MYH10: variants seen among roughly 807,000 people sequenced by gnomAD.
MYH10 encodes the protein myosin-10.
In MYH10, 55 loss-of-function variants were observed where a neutral mutation model predicts 257.8. The observed-to-expected ratio is 0.21, with a 90% CI of 0.17 to 0.27. The LOEUF is 0.27. Ranked by LOEUF, MYH10 falls within the 10% of genes least tolerant of loss-of-function variation. The pLI is 1.00. For missense variants in MYH10, 1,631 were observed against 2,500.6 expected (o/e 0.65, Z 7.42); for synonymous variants, 854 against 921.7 (o/e 0.93, Z 1.33).
intron 2 of MYH10, among the ~76,000 whole-genome samples, chr17:8,608,810 ATT>A (rs531809094): frequency 1.9e-4 from 27 of 140,710 alleles, no homozygotes; most frequent in Non-Finnish European, 2.2e-4. Context: ...TGATTGGGAA[ATT>A]TTTTTTTTTT....
intron 4 of MYH10, among the ~76,000 whole-genome samples, chr17:8,588,142 TGA>T (rs1460902250): frequency 6.6e-6 from 1 of 152,156 alleles, no homozygotes; most frequent in African/African-American, 2.4e-5. Context: ...GCCTGACCCT[TGA>T]GTGTAGGCTT....
chr17:8,614,305 TTC>T (rs2085161446), intron 2 of MYH10, among the ~76,000 whole-genome samples: 1 of 133,780 alleles, frequency 7.5e-6, no homozygotes, highest in Admixed American at 7.6e-5. Flanking sequence ...AGCAATTCAC[TTC>T]TTTTTTTTTT....
At chr17:8,593,727 G>C (rs1165004323) in intron 3 of MYH10, among the ~76,000 whole-genome samples, 1 of 152,110 alleles carries the variant, frequency 6.6e-6, no homozygotes, top group Non-Finnish European at 1.5e-5. Flanking sequence ...TGATGGATTG[G>C]AAGACTCAAT....
chr17:8,504,696 T>C lies in MYH10; in HGVS notation c.3597A>G (p.Leu1199=), dbSNP rs759691165. The C allele has an allele frequency of 8.1e-6, 13 of 1,613,782 alleles. No individual in the cohort carries two copies. The highest frequency in any genetic ancestry group is 1.1e-5 in the Non-Finnish European group (13 of 1,179,962). Residue 1199 remains leucine, a splice_region_variant and synonymous_variant, in exon 28 of 43, where the codon CTA becomes CTG. Coordinates refer to ENST00000360416, the MANE Select transcript of MYH10 (RefSeq NM_001256012.3). The surrounding 1 kb of genome is among the most constrained non-coding windows in gnomAD (Gnocchi z 5.6). ...CCTGCTTCCTCTCCCACACTCACCG[T>C]AGTTCCTGCTGGGCTGCCGTGGTGT... ...TLDTTAAQQE[L]RTKREQEVAE... is the part of the protein sequence containing the mutation.
chr17:8,529,317 G>A (rs2081949873), intron 17 of MYH10, among the ~76,000 whole-genome samples: 1 of 152,184 alleles, frequency 6.6e-6, no homozygotes, highest in Non-Finnish European at 1.5e-5. Context: ...GCAAAGCCAG[G>A]CACTGACCCT....
chr17:8,487,190 C>A (rs1025424939), intron 36 of MYH10, among the ~76,000 whole-genome samples: 1 of 152,212 alleles, frequency 6.6e-6, no homozygotes, highest in Admixed American at 6.5e-5. Flanking sequence ...TTAAGCATCG[C>A]CACAGGCTCT....
At chr17:8,516,645 C>A (rs561430140) in intron 21 of MYH10, among the ~76,000 whole-genome samples, 1 of 152,176 alleles carries the variant, frequency 6.6e-6, no homozygotes, top group East Asian at 1.9e-4. Flanking sequence ...CTATATACTT[C>A]GTTTCCTGCA....
At chr17:8,593,444 A>T (rs1186192250) in intron 3 of MYH10, among the ~76,000 whole-genome samples, 1 of 151,980 alleles carries the variant, frequency 6.6e-6, no homozygotes, top group African/African-American at 2.4e-5. Flanking sequence ...AAACAAACAA[A>T]CAAAAAAACC....
intron 7 of MYH10, among the ~76,000 whole-genome samples, chr17:8,568,799 A>G (rs753044538): frequency 2.0e-5 from 3 of 151,910 alleles, no homozygotes; most frequent in Non-Finnish European, 4.4e-5. Context: ...TGGGGTGGAA[A>G]GGGGCAGTGT....
chr17:8,616,646 T>G (rs2085272709), intron 2 of MYH10, among the ~76,000 whole-genome samples: 1 of 151,836 alleles, frequency 6.6e-6, no homozygotes, highest in African/African-American at 2.4e-5. Context: ...ACTAAATAAA[T>G]GAGTTTACCC....
At chr17:8,540,022 C>T (rs766240013) in intron 14 of MYH10, among the ~76,000 whole-genome samples, 6 of 152,206 alleles carry the variant, frequency 3.9e-5, no homozygotes, top group Non-Finnish European at 5.9e-5. Flanking sequence ...CAGGGTCTCA[C>T]GCTGTCGCCT....
chr17:8,500,895 GA>G lies in MYH10; in HGVS notation c.3674del (p.Ile1225ThrfsTer4). The G allele has an allele frequency of 6.2e-7, 1 of 1,614,110 alleles. No individual in the cohort carries two copies. Among genetic ancestry groups the G allele is most frequent in the Non-Finnish European group, 8.5e-7 (1 of 1,180,036 alleles). On this transcript the variant is annotated frameshift_variant, in exon 29 of 43. Transcript: ENST00000360416. LOFTEE classifies it high-confidence loss of function. ...TTGCGTGTCTTTGTCTCATGTCCTG[GA>G]TTTGAGCTTCATGGTTCTTAGTTTC... ...EEETKNHEAQ[I>X]QDMRQRHATA...
intron 37 of MYH10, among the ~76,000 whole-genome samples, chr17:8,483,110 A>C (rs898354322): frequency 6.6e-6 from 1 of 152,256 alleles, no homozygotes; most frequent in Non-Finnish European, 1.5e-5. Context: ...GCAAGCTTAA[A>C]TTATTCACAG....
rs1029291830 is a variant in MYH10 at position 8,477,447 on chromosome 17, C to T, written c.5707-399G>A. ...CAGAAGATGGTACAATGCATCTTTA[C>T]ACCTCCTTTCAAGGATGGGCATCTC... On this transcript the variant is annotated intron_variant, in intron 41 of 42. Transcript: ENST00000360416. This position sits in a 1 kb window ranked among gnomAD's most constrained non-coding sequence, Gnocchi z 4.2. Among the ~76,000 whole-genome samples, 2 of 152,152 alleles carry T rather than the reference C, an allele frequency of 1.3e-5. No homozygotes were observed. Among genetic ancestry groups the T allele is most frequent in the African/African-American group, 4.8e-5 (2 of 41,432 alleles).
At chr17:8,550,817 G>A (rs1022411179) in intron 9 of MYH10, among the ~76,000 whole-genome samples, 6 of 151,910 alleles carry the variant, frequency 3.9e-5, no homozygotes, top group Non-Finnish European at 8.8e-5. Context: ...TCTGCCTTGG[G>A]ATCCTGTTGA....
At chr17:8,523,376 T>C (rs2081722921) in intron 17 of MYH10, among the ~76,000 whole-genome samples, 1 of 152,224 alleles carries the variant, frequency 6.6e-6, no homozygotes, top group South Asian at 2.1e-4. Context: ...ATCTTTGTAA[T>C]TAAAAAGAGT....
chr17:8,478,356 C>T lies in MYH10; in HGVS notation c.5688G>A (p.Ala1896=), dbSNP rs766085338. Residue 1896 remains alanine (A), a synonymous_variant, in exon 41 of 43, where the codon GCG becomes GCA. Transcript: ENST00000360416. ...CGCGTACCTGCTCTTTATACTGGTC[C>T]GCGTGTCGACGCTCATCCTCAACCT... ...FMQVEDERRH[A]DQYKEQMEKA... is the part of the protein sequence containing the mutation. 20 of 1,614,050 alleles carry T rather than the reference C, an allele frequency of 1.2e-5. No individual in the cohort carries two copies. The highest frequency in any genetic ancestry group is 1.6e-4 in the Middle Eastern group (1 of 6,084).
intron 17 of MYH10, among the ~76,000 whole-genome samples, chr17:8,526,385 T>C (rs955832853): frequency 6.6e-6 from 1 of 152,174 alleles, no homozygotes; most frequent in Non-Finnish European, 1.5e-5. Context: ...CAAGTGCCCT[T>C]CCTCCAGCCA....
chr17:8,618,637 T>G (rs891538600), intron 2 of MYH10, among the ~76,000 whole-genome samples: 1 of 152,238 alleles, frequency 6.6e-6, no homozygotes, highest in East Asian at 1.9e-4. Context: ...ACGGTTTACC[T>G]TGCGTATTGA....
Sources: allele counts gnomAD v4.1 joint callset (sites outside exome capture counted in the v4.1 genomes callset), GRCh38; gene constraint gnomAD v4.1.1; non-coding constraint Gnocchi (gnomAD v3.1); transcripts MANE v1.5; gene names NCBI Gene and HGNC (gene_info 2026-07-23, HGNC 2026-07-21).